The following TREML2 variants were observed in gnomAD, a reference collection of about 807,000 sequenced individuals.
TREML2 encodes the protein triggering receptor expressed on myeloid cells like 2, also known as trem-like transcript 2 protein.
Under a neutral mutation model 25.9 loss-of-function variants are expected in TREML2, and 24 were observed. The observed-to-expected ratio is 0.93, with a 90% CI of 0.67 to 1.30. TREML2 has a LOEUF of 1.30. Among genes scored for constraint, TREML2 ranks in the 50% most tolerant of loss-of-function variants. The probability of loss-of-function intolerance (pLI) is 0.00; values close to 1 mark genes in which losing one functional copy is unlikely to be tolerated. For synonymous variants in TREML2, 139 were observed against 155.2 expected, an observed-to-expected ratio of 0.90 and a Z score of 0.77; for missense variants, 359 against 395.6, an observed-to-expected ratio of 0.91 and a Z score of 0.78.
At chr6:41,200,931 A>C (rs964349274) in intron 1 of TREML2, 23 bp downstream of exon 1, 1 of 1,517,228 alleles carries the variant, frequency 6.6e-7, no homozygotes, top group African/African-American at 1.4e-5. Flanking sequence ...CCTCCTCCAC[A>C]AGTCAGCCCC....
At chr6:41,193,778 C>T (rs1369328770) in intron 3 of TREML2, among the ~76,000 whole-genome samples, 7 of 149,940 alleles carry the variant, frequency 4.7e-5, no homozygotes, top group Non-Finnish European at 8.9e-5. Context: ...CTCTGACTCT[C>T]ATCCCCCCTG....
At chr6:41,197,223 C>T (rs918047294) in intron 2 of TREML2, among the ~76,000 whole-genome samples, 10 of 152,202 alleles carry the variant, frequency 6.6e-5, no homozygotes, top group Admixed American at 5.9e-4. Context: ...CGTGTTCATA[C>T]CATTCACAAT....
chr6:41,194,389 G>C lies in TREML2; in HGVS notation c.785+36C>G, dbSNP rs1766119492. ...ACCTCCAGGTCTGTTTGGGCACTAA[G>C]TGCTGGTGCCACTCAACCCCAGGCC... On this transcript the variant is annotated intron_variant, in intron 3 of 4. Coordinates refer to ENST00000483722, the MANE Select transcript of TREML2 (RefSeq NM_024807.4). 8 of 1,507,190 alleles carry C rather than the reference G, an allele frequency of 5.3e-6. No homozygotes were observed. The East Asian group carries it at 2.0e-4, about 37-fold the overall frequency. The allele number at this position is 1,507,190 out of a possible 1,614,324, so 93.4% of individuals were successfully genotyped here.
rs1270621390 is a variant in TREML2, at chr6:41,194,787, G to A, written c.423C>T (p.Ile141=). 2 of 1,603,134 alleles carry A rather than the reference G, an allele frequency of 1.2e-6. No homozygotes were observed. The highest frequency in any genetic ancestry group is 1.7e-6 in the Non-Finnish European group (2 of 1,174,558). Residue 141 remains isoleucine, a synonymous_variant, in exon 3 of 5, where the codon ATC becomes ATT. Coordinates refer to ENST00000483722, the MANE Select transcript of TREML2 (RefSeq NM_024807.4). The part of the protein sequence containing the change: ...RNIPFTHLDN[I]LKSGTVTTGQ... ...CAGTTGTGACAGTTCCACTCTTGAGGATGTTGTCCAGATGTGTGAAAGGAA... is the reference window on the plus strand; with the variant it reads ...CAGTTGTGACAGTTCCACTCTTGAGAATGTTGTCCAGATGTGTGAAAGGAA...
At chr6:41,197,903 A>G (rs1766197216) in intron 2 of TREML2, among the ~76,000 whole-genome samples, 1 of 152,240 alleles carries the variant, frequency 6.6e-6, no homozygotes, top group South Asian at 2.1e-4. Flanking sequence ...ACAAGCTCAG[A>G]GTCACACTGG....
intron 1 of TREML2, among the ~76,000 whole-genome samples, chr6:41,200,025 A>G (rs62396356): frequency 0.092 from 13,945 of 152,188 alleles, 803 homozygotes; most frequent in South Asian, 0.15. Context: ...AGTTCCCCCA[A>G]TGGAACCCAG....
rs748418940 is a variant in TREML2, at chr6:41,200,975, A to ACAGCAG, written c.28_33dup (p.Leu10_Leu11dup). ...TCACCTGAGACGCAACCCTGTGGCC[A>ACAGCAG]CAGCAGCAGCAGCAGCAGGAAGGCT... On this transcript the variant is annotated inframe_insertion, in exon 1 of 5. Coordinates refer to ENST00000483722, the MANE Select transcript of TREML2 (RefSeq NM_024807.4). The ACAGCAG allele has an allele frequency of 4.4e-6, 7 of 1,580,490 alleles. No individual in the cohort carries two copies. The South Asian group carries it at 4.6e-5, about 10-fold the overall frequency.
intron 1 of TREML2, 28 bp from the exon 2 acceptor site, chr6:41,198,457 G>T (rs1157965189): frequency 2.9e-5 from 46 of 1,579,012 alleles, no homozygotes; most frequent in Non-Finnish European, 3.7e-5. Flanking sequence ...ATTGAATAAG[G>T]TCTGGCAAGA....
chr6:41,198,925 C>T (rs531376001), intron 1 of TREML2, among the ~76,000 whole-genome samples: 2 of 152,280 alleles, frequency 1.3e-5, no homozygotes, highest in East Asian at 1.9e-4. Context: ...TGCAGTGGCA[C>T]GATCTCAGCT....
At chr6:41,195,623 G>A (rs1439418880) in intron 2 of TREML2, among the ~76,000 whole-genome samples, 1 of 152,200 alleles carries the variant, frequency 6.6e-6, no homozygotes, top group Non-Finnish European at 1.5e-5. Context: ...AGCAGCATTG[G>A]TGAGGATGGG....
chr6:41,199,755 G>A (rs1766242926), intron 1 of TREML2, among the ~76,000 whole-genome samples: 1 of 152,188 alleles, frequency 6.6e-6, no homozygotes. Context: ...AGAACAGAGA[G>A]CACACATTTT....
chr6:41,192,634 G>A, intron 4 of TREML2, 128 bp from the exon 5 acceptor site: 2 of 1,180,828 alleles, frequency 1.7e-6, no homozygotes, highest in East Asian at 5.0e-5. Flanking sequence ...TTAGGGTTGT[G>A]CTGGGTGGTC....
chr6:41,192,168 C>A lies in TREML2; in HGVS notation c.*259G>T, dbSNP rs1766076310. The A allele has an allele frequency of 2.0e-6, 1 of 498,330 alleles. No homozygotes were observed. Among genetic ancestry groups the A allele is most frequent in the Non-Finnish European group, 3.7e-6 (1 of 272,142 alleles). 30.9% of individuals were successfully genotyped at this position (498,330 alleles called of 1,614,324 possible). On this transcript the variant is annotated 3_prime_UTR_variant, in exon 5 of 5. Transcript: ENST00000483722. ...TGGGGTCTGCAGCTCCGAGCAGAAACCACTGGTCACATTTCCTCGGGACTT... is the reference window on the plus strand; with the variant it reads ...TGGGGTCTGCAGCTCCGAGCAGAAAACACTGGTCACATTTCCTCGGGACTT...
chr6:41,192,266 T>C lies in TREML2; in HGVS notation c.*161A>G, dbSNP rs535118691. 23 of 640,570 alleles carry C rather than the reference T, an allele frequency of 3.6e-5. No homozygotes were observed. Among genetic ancestry groups the C allele is most frequent in the Non-Finnish European group, 5.9e-5 (21 of 355,976 alleles). The allele number at this position is 640,570 out of a possible 1,614,324, so 39.7% of individuals were successfully genotyped here. On this transcript the variant is annotated 3_prime_UTR_variant, in exon 5 of 5. Transcript: ENST00000483722. ...CAAGGAGAACACTGGGCTGTGGGGC[T>C]GCTTAGGATGGCAGCCTCTGGGTTT...
chr6:41,194,052 C>T (rs1340555291), intron 3 of TREML2, among the ~76,000 whole-genome samples: 1 of 149,624 alleles, frequency 6.7e-6, no homozygotes, highest in African/African-American at 2.5e-5. Context: ...ACTCCGCTCC[C>T]CACTGACCCT....
At chr6:41,196,973 T>C (rs1766178813) in intron 2 of TREML2, among the ~76,000 whole-genome samples, 1 of 152,220 alleles carries the variant, frequency 6.6e-6, no homozygotes, top group Admixed American at 6.5e-5. Flanking sequence ...TACCCTACGC[T>C]ATCAATGGTA....
rs41273768 is a variant in TREML2, at chr6:41,198,161, G to A, written c.324C>T (p.Asn108=). 74,125 of 1,612,136 alleles carry A rather than the reference G, an allele frequency of 0.046. 1,599 individuals carry two copies. Among genetic ancestry groups the A allele is most frequent in the South Asian group, 0.1 (9,460 of 90,670 alleles). ...TCAAGGGGTACAGGATCCCAGAGGT[G>A]TTGCGCATGCACCAGTATCGGCCTG... The part of the protein sequence containing the change: ...QDSGRYWCMR[N]TSGILYPLMG... Residue 108 remains asparagine, a synonymous_variant, in exon 2 of 5, where the codon AAC becomes AAT. Transcript: ENST00000483722.
At position 41,192,377 on chromosome 6, in the gene TREML2, C is replaced by A. The variant is rs368352171; in HGVS notation, c.*50G>T. On this transcript the variant is annotated 3_prime_UTR_variant, in exon 5 of 5. Coordinates refer to ENST00000483722, the MANE Select transcript of TREML2 (RefSeq NM_024807.4). The stretch of plus-strand genomic sequence containing the variant: ...GCCCCAATCTTCACCCCTCCTCTAA[C>A]CCCCTGGGGCCACTCTGGGAGAAGC... 1.4e-6 allele frequency: 2 copies of A among 1,480,960 alleles called. No individual in the cohort carries two copies. Among genetic ancestry groups the A allele is most frequent in the East Asian group, 2.3e-5 (1 of 44,168 alleles). 91.7% of individuals were successfully genotyped at this position (1,480,960 alleles called of 1,614,324 possible).
intron 4 of TREML2, 81 bp downstream of exon 4, chr6:41,192,720 C>A (rs953601988): frequency 1.5e-5 from 20 of 1,334,092 alleles, no homozygotes; most frequent in Middle Eastern, 1.8e-4. Flanking sequence ...GGCCATACCA[C>A]GTGGGGACTC....
Sources: allele counts gnomAD v4.1 joint callset (sites outside exome capture counted in the v4.1 genomes callset), GRCh38; gene constraint gnomAD v4.1.1; transcripts MANE v1.5; gene names NCBI Gene and HGNC (gene_info 2026-07-23, HGNC 2026-07-21).